Variants in ADAM18 observed in about 807,000 individuals in gnomAD.
ADAM18 encodes the protein disintegrin and metalloproteinase domain-containing protein 18.
In ADAM18, 117 loss-of-function variants were observed where a neutral mutation model predicts 94.4. The ratio of observed to expected loss-of-function variants is 1.24; its 90% confidence interval spans 1.07 to 1.45. The LOEUF is 1.45. ADAM18 is among the 40% of genes most tolerant of loss of function. The pLI, the probability that ADAM18 is intolerant of heterozygous loss-of-function variation, is 0.00. For missense variants in ADAM18, 936 were observed against 880.0 expected (o/e 1.06, Z -0.81); for synonymous variants, 327 against 291.6 (o/e 1.12, Z -1.24).
chr8:39,611,562 A>G, intron 6 of ADAM18: 1 of 985,448 alleles, frequency 1.0e-6, no homozygotes, highest in South Asian at 4.7e-5. Context: ...AAATAAAAAA[A>G]GCATTCTTCT....
rs1399487232 is a variant in ADAM18, at chr8:39,625,589, G to A, written c.523-3785G>A. Among the ~76,000 whole-genome samples, 5 of 152,030 alleles carry A rather than the reference G, an allele frequency of 3.3e-5. No homozygotes were observed. The East Asian group carries it at 7.7e-4, about 23-fold the overall frequency. On this transcript the variant is annotated intron_variant, in intron 6 of 19. Coordinates refer to ENST00000265707, the MANE Select transcript of ADAM18 (RefSeq NM_014237.3). ...CAGCACTATGTTGAATAGAAGTAGT[G>A]AAAGTATCCTTCTTTGTCTTTTTCC...
chr8:39,692,794 T>C (rs1391335079), intron 17 of ADAM18, 114 bp downstream of exon 17: 5 of 662,000 alleles, frequency 7.6e-6, no homozygotes, highest in African/African-American at 3.7e-5. Context: ...TAGACTAATA[T>C]AAAGAAAATT....
At chr8:39,686,475 T>C (rs1821608369) in intron 16 of ADAM18, among the ~76,000 whole-genome samples, 1 of 152,206 alleles carries the variant, frequency 6.6e-6, no homozygotes, top group African/African-American at 2.4e-5. Flanking sequence ...ATTAAGGCGC[T>C]AATCTCATTC....
intron 17 of ADAM18, among the ~76,000 whole-genome samples, chr8:39,704,508 T>C (rs1822183378): frequency 6.6e-6 from 1 of 152,108 alleles, no homozygotes; most frequent in Non-Finnish European, 1.5e-5. Context: ...ATTCAACATA[T>C]TTTTAAATTT....
At chr8:39,684,828 C>G (rs1169616927) in intron 16 of ADAM18, among the ~76,000 whole-genome samples, 1 of 152,072 alleles carries the variant, frequency 6.6e-6, no homozygotes, top group African/African-American at 2.4e-5. Context: ...TCATTTCAGG[C>G]CTGGTAGTTA....
chr8:39,687,908 T>C (rs73609905), intron 16 of ADAM18, among the ~76,000 whole-genome samples: 12,458 of 152,224 alleles, frequency 0.082, 1,589 homozygotes, highest in African/African-American at 0.27. Context: ...TCTTTGCTAT[T>C]GTGAATAGTG....
At chr8:39,656,140 G>T (rs1433784457) in intron 12 of ADAM18, among the ~76,000 whole-genome samples, 1 of 151,660 alleles carries the variant, frequency 6.6e-6, no homozygotes, top group Non-Finnish European at 1.5e-5. Context: ...TAGACAAGCT[G>T]ATTTTCAAGT....
intron 7 of ADAM18, among the ~76,000 whole-genome samples, chr8:39,633,186 A>G (rs1453778992): frequency 2.0e-5 from 3 of 152,122 alleles, no homozygotes; most frequent in Non-Finnish European, 4.4e-5. Context: ...AAACTACCCA[A>G]TCTGTCATAT....
rs61753675 is a variant in ADAM18, at chr8:39,668,162, T to C, written c.1491T>C (p.Thr497=). The C allele has an allele frequency of 7.1e-3, 11,389 of 1,614,122 alleles. 51 individuals are homozygous for C. Among genetic ancestry groups the C allele is most frequent in the Non-Finnish European group, 8.5e-3 (10,068 of 1,179,978 alleles). ...ATTGCTATAACGGACAATGTCAAAC[T>C]ACTGATAACCAGTGTGCCAAGATAT... ...TAYCYNGQCQ[T]TDNQCAKIFG... Residue 497 remains threonine, a synonymous_variant, in exon 14 of 20, where the codon ACT becomes ACC. Coordinates refer to ENST00000265707, the MANE Select transcript of ADAM18 (RefSeq NM_014237.3).
At chr8:39,637,912 G>T (rs928120961) in intron 9 of ADAM18, among the ~76,000 whole-genome samples, 3 of 151,910 alleles carry the variant, frequency 2.0e-5, no homozygotes, top group African/African-American at 7.2e-5. Context: ...TGGAGTGTAA[G>T]TATTATTTCA....
chr8:39,644,971 C>T (rs1027821506), intron 10 of ADAM18, among the ~76,000 whole-genome samples: 2 of 152,102 alleles, frequency 1.3e-5, no homozygotes, highest in Admixed American at 1.3e-4. Context: ...CCACTGTATT[C>T]CTACCATCTA....
At chr8:39,689,924 G>A (rs572879946) in intron 16 of ADAM18, among the ~76,000 whole-genome samples, 36 of 152,160 alleles carry the variant, frequency 2.4e-4, no homozygotes, top group African/African-American at 8.4e-4. Flanking sequence ...TCCCTAGTTC[G>A]CTGTATTCCT....
intron 17 of ADAM18, among the ~76,000 whole-genome samples, chr8:39,701,270 AT>A (rs1437805965): frequency 6.8e-6 from 1 of 146,586 alleles, no homozygotes; most frequent in African/African-American, 2.5e-5. Context: ...TCTCATTCTT[AT>A]TTTTGATATG....
At chr8:39,640,867 GT>G (rs369142080) in intron 10 of ADAM18, among the ~76,000 whole-genome samples, 5,367 of 147,180 alleles carry the variant, frequency 0.036, 247 homozygotes, top group African/African-American at 0.11. Context: ...CTTTGTAATG[GT>G]TTTTTTTTTC....
At chr8:39,702,585 T>G (rs1275148034) in intron 17 of ADAM18, among the ~76,000 whole-genome samples, 1 of 152,212 alleles carries the variant, frequency 6.6e-6, no homozygotes, top group Non-Finnish European at 1.5e-5. Flanking sequence ...TGATATTGCC[T>G]AGGTCTTATT....
intron 18 of ADAM18, among the ~76,000 whole-genome samples, chr8:39,707,373 C>T (rs1308056174): frequency 6.6e-6 from 1 of 152,180 alleles, no homozygotes; most frequent in East Asian, 1.9e-4. Flanking sequence ...CAGGGAATTC[C>T]ATGCTGAAGT....
chr8:39,677,628 A>G (rs1821335257), intron 15 of ADAM18, 92 bp downstream of exon 15: 1 of 803,654 alleles, frequency 1.2e-6, no homozygotes, highest in Non-Finnish European at 1.9e-6. Flanking sequence ...CTAAAATTTT[A>G]TAACATGGGA....
At chr8:39,613,179 C>G (rs1819328596) in intron 6 of ADAM18, among the ~76,000 whole-genome samples, 1 of 152,214 alleles carries the variant, frequency 6.6e-6, no homozygotes, top group Non-Finnish European at 1.5e-5. Context: ...TGCAGGAGTG[C>G]AGACCCTGCT....
Position 39,634,233 on chromosome 8 carries a change from C to G in ADAM18, c.589-3031C>G, listed in dbSNP as rs1820013573. ...TGCAGACTGTGAACCTTGGCTGTGT[C>G]CACCTGGTGCTAACTCTCCAGGCTC... On this transcript the variant is annotated intron_variant, in intron 7 of 19. Coordinates refer to ENST00000265707, the MANE Select transcript of ADAM18 (RefSeq NM_014237.3). 2.0e-5 allele frequency among the ~76,000 whole-genome samples: 3 copies of G among 152,094 alleles called. No homozygotes were observed. In the South Asian group the frequency reaches 6.2e-4, roughly 32 times the overall value.
Sources: gnomAD v4.1 joint callset for allele counts (sites outside exome capture counted in the v4.1 genomes callset) on GRCh38, gnomAD v4.1.1 for gene constraint, MANE v1.5 for transcripts, NCBI Gene and HGNC (gene_info 2026-07-23, HGNC 2026-07-21) for gene names.